CASK: variants seen among roughly 807,000 people sequenced by gnomAD.
CASK encodes peripheral plasma membrane protein CASK.
In CASK, 4 loss-of-function variants were observed where a neutral mutation model predicts 82.9. The ratio of observed to expected loss-of-function variants is 0.05; its 90% CI spans 0.02 to 0.11. The LOEUF (loss-of-function observed/expected upper bound fraction) is 0.11, where lower values mean the gene tolerates loss of function less well. CASK is among the 10% of genes least tolerant of loss of function. The probability of loss-of-function intolerance (pLI) is 1.00; values close to 1 mark genes in which losing one functional copy is unlikely to be tolerated. For missense variants in CASK, 358 were observed against 720.9 expected (o/e 0.50, Z 5.76); for synonymous variants, 259 against 253.5 (o/e 1.02, Z -0.20).
intron 2 of CASK, among the ~76,000 whole-genome samples, chrX:41,790,810 C>T (rs772243972): frequency 1.8e-5 from 2 of 112,166 alleles, no homozygotes; most frequent in South Asian, 7.4e-4. Flanking sequence ...ACTATAGATT[C>T]CACGAATATT....
Position 41,810,517 on chromosome X carries a change from T to C in CASK, c.173-23234A>G, listed in dbSNP as rs985467201. 8.1e-5 allele frequency among the ~76,000 whole-genome samples: 9 copies of C among 111,360 alleles called. No individual in the cohort carries two copies. The Admixed American group carries it at 8.6e-4, about 11-fold the overall frequency. On this transcript the variant is annotated intron_variant, in intron 2 of 26. Coordinates refer to ENST00000378163, the MANE Select transcript of CASK (RefSeq NM_001367721.1). Reference sequence around the variant, plus strand: ...TAAGTGAAAGAGAAATAAAATCCTTTGCAGACAAGCAAATGCTGAGAGATT... The same window carrying C: ...TAAGTGAAAGAGAAATAAAATCCTTCGCAGACAAGCAAATGCTGAGAGATT...
chrX:41,574,107 C>A (rs1041398982), intron 15 of CASK, among the ~76,000 whole-genome samples: 2 of 110,996 alleles, frequency 1.8e-5, no homozygotes, highest in African/African-American at 6.6e-5. Flanking sequence ...CTGATCGATA[C>A]TCTGCTGAAT....
intron 2 of CASK, among the ~76,000 whole-genome samples, chrX:41,792,905 A>G (rs1409383331): frequency 2.7e-5 from 3 of 111,693 alleles, no homozygotes; most frequent in Non-Finnish European, 5.6e-5. Flanking sequence ...TGTCTACCAA[A>G]TTGGAATGGT....
chrX:41,892,445 G>A (rs1382569119), intron 1 of CASK, among the ~76,000 whole-genome samples: 8 of 110,125 alleles, frequency 7.3e-5, no homozygotes, highest in Admixed American at 1.9e-4. Flanking sequence ...TGGTTCTCCT[G>A]CCTCAGCCTC....
chrX:41,534,265 T>A (rs2064844220), intron 24 of CASK, among the ~76,000 whole-genome samples: 1 of 111,512 alleles, frequency 9.0e-6, no homozygotes, highest in Non-Finnish European at 1.9e-5. Context: ...GGAAAAAAAT[T>A]GTCATATCAG....
At chrX:41,595,569 T>C (rs947007052) in intron 12 of CASK, among the ~76,000 whole-genome samples, 17 of 111,746 alleles carry the variant, frequency 1.5e-4, no homozygotes, top group South Asian at 1.1e-3. Context: ...CACTCCAGCC[T>C]GGGTGACAGA....
intron 11 of CASK, among the ~76,000 whole-genome samples, chrX:41,613,192 G>A (rs1459628686): frequency 8.9e-6 from 1 of 112,156 alleles, no homozygotes; most frequent in Non-Finnish European, 1.9e-5. Flanking sequence ...AATGGAAAGG[G>A]GGGAAAGGTG....
At chrX:41,718,592 C>T (rs1569417139) in intron 5 of CASK, among the ~76,000 whole-genome samples, 1 of 112,463 alleles carries the variant, frequency 8.9e-6, no homozygotes, top group Non-Finnish European at 1.9e-5. Context: ...CATTTGGTCA[C>T]AGAGGTCATC....
chrX:41,792,289 A>ATTTT lies in CASK; in HGVS notation c.173-5010_173-5007dup, dbSNP rs757353818. On this transcript the variant is annotated intron_variant, in intron 2 of 26. Transcript: ENST00000378163. ...GTTTGCTCGAGAGCATTCAATAAGG[A>ATTTT]TTTTTTTTTTTTTTTTTTTGAGCTA... is the stretch of plus-strand genomic sequence containing the variant. 5.5e-3 allele frequency among the ~76,000 whole-genome samples: 507 copies of ATTTT among 91,377 alleles called. 6 individuals carry two copies. The highest frequency in any genetic ancestry group is 0.019 in the African/African-American group (488 of 25,242). 79.3% of individuals were successfully genotyped at this position (91,377 alleles called of 115,157 possible). A position where few individuals can be genotyped will look rare whatever the true frequency, so the allele number is the denominator to read the frequency against.
intron 14 of CASK, 59 bp downstream of exon 14, chrX:41,586,848 T>A (rs2065664891): frequency 2.7e-6 from 2 of 742,259 alleles, no homozygotes; most frequent in Non-Finnish European, 2.1e-6. Flanking sequence ...ATGAGGGTAG[T>A]TTAAAAACTT....
At chrX:41,616,961 T>C (rs1363162026) in intron 11 of CASK, among the ~76,000 whole-genome samples, 2 of 112,459 alleles carry the variant, frequency 1.8e-5, no homozygotes, top group African/African-American at 6.5e-5. Context: ...GGCAAGGGCT[T>C]CAGAGAAATC....
chrX:41,817,610 A>C (rs2070439041), intron 2 of CASK, among the ~76,000 whole-genome samples: 1 of 111,524 alleles, frequency 9.0e-6, no homozygotes, highest in Non-Finnish European at 1.9e-5. Flanking sequence ...GATGTCATAT[A>C]GGCACTCAAA....
chrX:41,536,363 C>T (rs746235447), intron 22 of CASK, among the ~76,000 whole-genome samples: 1 of 111,129 alleles, frequency 9.0e-6, no homozygotes, highest in Non-Finnish European at 1.9e-5. Flanking sequence ...TGGCCTTGGC[C>T]TCCCGAAGTG....
chrX:41,741,073 G>A (rs894884224), intron 4 of CASK, among the ~76,000 whole-genome samples: 2 of 110,184 alleles, frequency 1.8e-5, no homozygotes, highest in Non-Finnish European at 3.8e-5. Context: ...AGTAGAGACA[G>A]GGTTTCACCA....
intron 2 of CASK, among the ~76,000 whole-genome samples, chrX:41,823,040 G>C (rs1318429781): frequency 1.3e-5 from 1 of 75,571 alleles, no homozygotes; most frequent in Non-Finnish European, 2.4e-5. Flanking sequence ...CAGCGGGGGT[G>C]GGGGGAGGGG....
intron 4 of CASK, among the ~76,000 whole-genome samples, chrX:41,744,360 T>G (rs2147732588): frequency 9.2e-6 from 1 of 108,548 alleles, no homozygotes; most frequent in African/African-American, 3.3e-5. Context: ...TTTTTTTTTT[T>G]TTTGAGACGG....
intron 1 of CASK, among the ~76,000 whole-genome samples, chrX:41,914,119 T>C (rs1245255119): frequency 8.9e-6 from 1 of 112,261 alleles, no homozygotes. Context: ...AGTTGAATGG[T>C]AATACAGTGT....
intron 5 of CASK, chrX:41,697,000 C>T (rs1035944033): frequency 1.7e-5 from 5 of 289,586 alleles, no homozygotes; most frequent in African/African-American, 8.3e-5. Context: ...ATACTCTTAA[C>T]ATAGATTATG....
intron 5 of CASK, among the ~76,000 whole-genome samples, chrX:41,737,722 T>C (rs989542441): frequency 2.6e-4 from 29 of 112,726 alleles, no homozygotes; most frequent in African/African-American, 8.4e-4. Context: ...CTTTCGAGAA[T>C]AATTCATTCA....
Sources: gnomAD v4.1 joint callset for allele counts (sites outside exome capture counted in the v4.1 genomes callset) on GRCh38, gnomAD v4.1.1 for gene constraint, MANE v1.5 for transcripts, NCBI Gene and HGNC (gene_info 2026-07-23, HGNC 2026-07-21) for gene names.